TMEM131: variants seen among roughly 807,000 people sequenced by gnomAD.
TMEM131 encodes transmembrane protein 131.
A neutral mutation model predicts 211.6 loss-of-function variants in TMEM131; 66 were observed. The observed-to-expected ratio is 0.31, with a 90% CI of 0.26 to 0.38. The LOEUF (loss-of-function observed/expected upper bound fraction) is 0.38. TMEM131 is among the 10% of genes least tolerant of loss of function. TMEM131 has a pLI of 1.00. For synonymous variants in TMEM131, 844 were observed against 841.3 expected (o/e 1.00, Z -0.06); for missense variants, 2,036 against 2,299.3 (o/e 0.89, Z 2.34).
At chr2:97,829,672 G>T (rs1682568431) in intron 11 of TMEM131, among the ~76,000 whole-genome samples, 1 of 152,112 alleles carries the variant, frequency 6.6e-6, no homozygotes, top group African/African-American at 2.4e-5. Context: ...TCTTGCTGCT[G>T]TTCACTCTTT....
chr2:97,943,841 T>C (rs571948222), intron 1 of TMEM131, among the ~76,000 whole-genome samples: 22 of 152,294 alleles, frequency 1.4e-4, no homozygotes, highest in Non-Finnish European at 2.8e-4. Context: ...TCCAGCACTT[T>C]GGGAGGCCGA....
At chr2:97,821,572 C>T (rs1682121786) in intron 11 of TMEM131, among the ~76,000 whole-genome samples, 1 of 152,222 alleles carries the variant, frequency 6.6e-6, no homozygotes, top group African/African-American at 2.4e-5. Context: ...GGCTTCACTC[C>T]TGAAGTCAGC....
chr2:97,781,126 T>G (rs1353060886), intron 31 of TMEM131, among the ~76,000 whole-genome samples: 1 of 152,188 alleles, frequency 6.6e-6, no homozygotes, highest in African/African-American at 2.4e-5. Flanking sequence ...GATTGCCCCT[T>G]TCCAGGCTCC....
chr2:97,761,978 A>G, intron 36 of TMEM131, 57 bp downstream of exon 36: 2 of 1,488,802 alleles, frequency 1.3e-6, no homozygotes, highest in Non-Finnish European at 1.8e-6. Flanking sequence ...AAAGGGTGTG[A>G]CATCGGGTTT....
rs146325257 is a variant in TMEM131 at position 97,806,288 on chromosome 2, G to A, written c.2056-585C>T. Among the ~76,000 whole-genome samples, 526 of 152,318 alleles carry A rather than the reference G, an allele frequency of 3.5e-3. 8 individuals carry two copies. The East Asian group carries it at 0.042, about 12-fold the overall frequency. ...ACAGTGGCTCATGCCTGTAATCCCA[G>A]CACTTTGGGAGGCTAAGGTGGGTGG... On this transcript the variant is annotated intron_variant, in intron 19 of 40. Transcript: ENST00000186436.
chr2:97,858,339 C>T (rs1300836335), intron 5 of TMEM131, among the ~76,000 whole-genome samples: 1 of 152,104 alleles, frequency 6.6e-6, no homozygotes, highest in Non-Finnish European at 1.5e-5. Context: ...TAGGTATTCT[C>T]TCAAATTTAA....
intron 1 of TMEM131, among the ~76,000 whole-genome samples, chr2:97,943,037 A>AAAAGAAAAGGAAAGAAAGAAAG (rs1559464422): frequency 3.0e-5 from 2 of 66,000 alleles, no homozygotes; most frequent in Non-Finnish European, 6.4e-5. Context: ...AAAAGAAAAG[A>AAAAGAAAAGGAAAGAAAGAAAG]AAAGAAAGAA....
At chr2:97,861,394 G>A (rs542300152) in intron 4 of TMEM131, among the ~76,000 whole-genome samples, 4 of 151,196 alleles carry the variant, frequency 2.6e-5, no homozygotes, top group African/African-American at 4.9e-5. Context: ...CAGAGGAGAG[G>A]AGGGGGAAGA....
At chr2:97,919,467 T>C (rs1172414453) in intron 2 of TMEM131, among the ~76,000 whole-genome samples, 1 of 152,258 alleles carries the variant, frequency 6.6e-6, no homozygotes, top group Non-Finnish European at 1.5e-5. Flanking sequence ...ATATTATTTT[T>C]GCCTCTCATT....
chr2:97,833,947 G>A (rs1255269075), intron 10 of TMEM131, among the ~76,000 whole-genome samples: 4 of 152,158 alleles, frequency 2.6e-5, no homozygotes, highest in Non-Finnish European at 5.9e-5. Context: ...ATAGGCATGA[G>A]CCATCATGCC....
intron 5 of TMEM131, among the ~76,000 whole-genome samples, chr2:97,847,204 G>T (rs1447328883): frequency 6.6e-6 from 1 of 151,010 alleles, no homozygotes; most frequent in Non-Finnish European, 1.5e-5. Flanking sequence ...AAAGTGCAAA[G>T]AAGTGCGAAA....
intron 19 of TMEM131, 86 bp downstream of exon 19, chr2:97,809,602 A>C: frequency 1.1e-6 from 1 of 885,672 alleles, no homozygotes; most frequent in Non-Finnish European, 1.8e-6. Context: ...AGAATAACTG[A>C]CTTTACTCTA....
At chr2:97,952,558 A>T (rs531880084) in intron 1 of TMEM131, among the ~76,000 whole-genome samples, 24 of 152,296 alleles carry the variant, frequency 1.6e-4, no homozygotes, top group Non-Finnish European at 3.4e-4. Flanking sequence ...AAATGCTGAA[A>T]TATAAGAACT....
chr2:97,786,216 G>C (rs927609961), intron 31 of TMEM131, among the ~76,000 whole-genome samples: 1 of 152,098 alleles, frequency 6.6e-6, no homozygotes, highest in South Asian at 2.1e-4. Context: ...TTATTTGCAC[G>C]TGAATCTACA....
chr2:97,797,597 C>A, intron 25 of TMEM131, 81 bp from the exon 26 acceptor site: 2 of 1,257,478 alleles, frequency 1.6e-6, no homozygotes, highest in South Asian at 3.2e-5. Flanking sequence ...CCATCTAGAG[C>A]CCAGTATAGT....
At chr2:97,762,488 C>G (rs764793019) in intron 35 of TMEM131, 1 of 294,892 alleles carries the variant, frequency 3.4e-6, no homozygotes, top group Non-Finnish European at 6.4e-6. Flanking sequence ...GGAGGGTCTT[C>G]CACATCCTCC....
chr2:97,836,073 G>T (rs1388874686), intron 8 of TMEM131, among the ~76,000 whole-genome samples: 1 of 152,178 alleles, frequency 6.6e-6, no homozygotes, highest in East Asian at 1.9e-4. Flanking sequence ...TTTTATAGAT[G>T]ATTTTTCCCT....
chr2:97,792,907 G>A lies in TMEM131; in HGVS notation c.3623C>T (p.Ala1208Val). 1 of 1,612,530 alleles carries A rather than the reference G, an allele frequency of 6.2e-7. No homozygotes were observed. The highest frequency in any genetic ancestry group is 1.1e-5 in the South Asian group (1 of 90,930). The change falls in exon 31 of 41, where the codon GCC (alanine) becomes GTC (valine). Residue 1208 changes from alanine to valine, a missense_variant. Ala to Val is a moderately conservative substitution (Grantham distance 64). This residue lies in a region of TMEM131 where 1,623 missense variants were observed against 1,805.9 expected (regional missense o/e 0.90). Coordinates refer to ENST00000186436, the MANE Select transcript of TMEM131 (RefSeq NM_015348.2). ...GAGGSSSRPS[A>V]GSHKQCGPSV... The stretch of plus-strand genomic sequence containing the variant: ...TGGGCCACACTGCTTATGACTCCCG[G>A]CACTGGGTCGGGATGATGAACCGCC...
At chr2:97,933,865 C>T (rs1220681471) in intron 1 of TMEM131, among the ~76,000 whole-genome samples, 1 of 152,078 alleles carries the variant, frequency 6.6e-6, no homozygotes, top group African/African-American at 2.4e-5. Context: ...ATGATAAAAA[C>T]TCTCAAGAAG....
Sources: allele counts gnomAD v4.1 joint callset (sites outside exome capture counted in the v4.1 genomes callset), GRCh38; gene constraint gnomAD v4.1.1; regional missense constraint gnomAD v4.1.1; transcripts MANE v1.5; gene names NCBI Gene and HGNC (gene_info 2026-07-23, HGNC 2026-07-21).